EML4: variants seen among roughly 807,000 people sequenced by gnomAD.
EML4 encodes echinoderm microtubule-associated protein-like 4.
Under a neutral mutation model 129.0 loss-of-function variants are expected in EML4, and 72 were observed. The ratio of observed to expected loss-of-function variants is 0.56; its 90% confidence interval spans 0.46 to 0.68. EML4 has a LOEUF of 0.68. Among genes scored for constraint, EML4 ranks in the 30% least tolerant of loss-of-function variants. EML4 has a pLI of 0.00. For missense variants in EML4, 1,363 were observed against 1,190.6 expected (o/e 1.14, Z -2.13); for synonymous variants, 532 against 405.0 (o/e 1.31, Z -3.77).
chr2:42,282,749 T>A, intron 7 of EML4, 74 bp from the exon 8 acceptor site: 3 of 1,305,164 alleles, frequency 2.3e-6, no homozygotes, highest in Non-Finnish European at 3.3e-6. Context: ...CCTAATTCCT[T>A]AAGTATCCAT....
At chr2:42,177,427 C>T (rs946604213) in intron 1 of EML4, among the ~76,000 whole-genome samples, 7 of 151,998 alleles carry the variant, frequency 4.6e-5, no homozygotes, top group African/African-American at 1.7e-4. Flanking sequence ...TTGAGACCAG[C>T]CTGGGCAACA....
chr2:42,274,006 T>G (rs1666518496), intron 6 of EML4, among the ~76,000 whole-genome samples: 1 of 152,194 alleles, frequency 6.6e-6, no homozygotes, highest in African/African-American at 2.4e-5. Context: ...AGAAAAGATT[T>G]TAGCCTTCCA....
intron 1 of EML4, among the ~76,000 whole-genome samples, chr2:42,234,512 G>A (rs972318844): frequency 2.7e-5 from 4 of 149,286 alleles, no homozygotes; most frequent in Non-Finnish European, 6.0e-5. Context: ...ACAAACTTGT[G>A]ACAAAAGAAG....
At chr2:42,293,823 CTGATCTTGAA>C (rs1667794198) in intron 11 of EML4, among the ~76,000 whole-genome samples, 1 of 152,152 alleles carries the variant, frequency 6.6e-6, no homozygotes, top group African/African-American at 2.4e-5. Context: ...CTTGGCCAGG[CTGATCTTGAA>C]CTCCTGACGT....
chr2:42,286,418 A>G (rs548239481), intron 10 of EML4, 39 bp downstream of exon 10: 11 of 1,228,660 alleles, frequency 9.0e-6, no homozygotes, highest in African/African-American at 3.0e-5. Context: ...AAGCTGAACA[A>G]AAAAGCAGGA....
intron 1 of EML4, among the ~76,000 whole-genome samples, chr2:42,181,574 G>GT (rs1190361633): frequency 2.0e-5 from 3 of 152,144 alleles, no homozygotes; most frequent in Non-Finnish European, 4.4e-5. Flanking sequence ...GGGATTACAG[G>GT]TGTGAGCCAC....
chr2:42,185,270 G>C (rs1253831313), intron 1 of EML4, among the ~76,000 whole-genome samples: 1 of 152,072 alleles, frequency 6.6e-6, no homozygotes, highest in East Asian at 1.9e-4. Context: ...TAAAAATATT[G>C]TGACACGTGA....
At chr2:42,294,689 T>G (rs1667846991) in intron 11 of EML4, among the ~76,000 whole-genome samples, 1 of 151,466 alleles carries the variant, frequency 6.6e-6, no homozygotes. Flanking sequence ...AGAGCAAGAC[T>G]GTGTCTTAAA....
In EML4 at chr2:42,245,638, A is replaced by C; in HGVS notation, c.159A>C (p.Ala53=). 1.9e-6 allele frequency: 3 copies of C among 1,613,654 alleles called. No individual in the cohort carries two copies. Among genetic ancestry groups the C allele is most frequent in the East Asian group, 2.2e-5 (1 of 44,826 alleles). ...TGGCTGATGTTTTGAGGCGTCTTGC[A>C]ATCTCTGAAGATCATGTGGCCTCAG... ...AALADVLRRL[A]ISEDHVASVK... is the part of the protein sequence containing the mutation. The change falls in exon 2 of 23, where the codon GCA becomes GCC. Residue 53 remains alanine (A), a synonymous_variant. Coordinates refer to ENST00000318522, the MANE Select transcript of EML4 (RefSeq NM_019063.5).
intron 1 of EML4, among the ~76,000 whole-genome samples, chr2:42,221,402 A>ACTTTT (rs1673584841): frequency 1.3e-5 from 1 of 75,612 alleles, no homozygotes; most frequent in Non-Finnish European, 2.8e-5. Context: ...AACATGGTTT[A>ACTTTT]CTTTTTTTTT....
intron 1 of EML4, among the ~76,000 whole-genome samples, chr2:42,218,384 T>C (rs1169783103): frequency 6.6e-6 from 1 of 152,014 alleles, no homozygotes; most frequent in Non-Finnish European, 1.5e-5. Flanking sequence ...TATATTACAA[T>C]GTAATAATAA....
At chr2:42,250,367 G>C (rs899991482) in intron 2 of EML4, among the ~76,000 whole-genome samples, 3 of 152,154 alleles carry the variant, frequency 2.0e-5, no homozygotes, top group Admixed American at 2.0e-4. Context: ...ACATTTGGGA[G>C]GATTCAGGGA....
At chr2:42,276,801 T>A (rs1342669744) in intron 6 of EML4, among the ~76,000 whole-genome samples, 1 of 152,266 alleles carries the variant, frequency 6.6e-6, no homozygotes, top group South Asian at 2.1e-4. Context: ...AAGCTCATGC[T>A]GTTTTCACTA....
chr2:42,291,005 A>G (rs1364414220), intron 11 of EML4, among the ~76,000 whole-genome samples: 2 of 152,226 alleles, frequency 1.3e-5, no homozygotes, highest in South Asian at 2.1e-4. Flanking sequence ...CAAAGCACAT[A>G]AAATATAAAA....
chr2:42,293,320 T>C (rs994952318), intron 11 of EML4, among the ~76,000 whole-genome samples: 3 of 152,120 alleles, frequency 2.0e-5, no homozygotes, highest in Admixed American at 6.5e-5. Context: ...ACAGTTGATC[T>C]CTAACTCCTG....
intron 2 of EML4, among the ~76,000 whole-genome samples, chr2:42,254,355 G>C (rs1475473100): frequency 6.6e-6 from 1 of 151,890 alleles, no homozygotes; most frequent in East Asian, 1.9e-4. Context: ...TGCTCAGGAG[G>C]CTGAGGTAGA....
At chr2:42,179,842 TC>T (rs1294415903) in intron 1 of EML4, among the ~76,000 whole-genome samples, 1 of 152,152 alleles carries the variant, frequency 6.6e-6, no homozygotes, top group Non-Finnish European at 1.5e-5. Flanking sequence ...CCCCAAGTGA[TC>T]CACCCACCTA....
At chr2:42,223,621 G>A (rs1425438156) in intron 1 of EML4, among the ~76,000 whole-genome samples, 1 of 152,032 alleles carries the variant, frequency 6.6e-6, no homozygotes, top group Non-Finnish European at 1.5e-5. Flanking sequence ...CCCATGACAA[G>A]AGTACAATGT....
intron 11 of EML4, among the ~76,000 whole-genome samples, chr2:42,290,417 A>G (rs540352389): frequency 1.3e-5 from 2 of 152,272 alleles, no homozygotes; most frequent in South Asian, 4.1e-4. Flanking sequence ...GAAAAAAAAT[A>G]AAAAATTAAC....
Sources: allele counts gnomAD v4.1 joint callset (sites outside exome capture counted in the v4.1 genomes callset), GRCh38; gene constraint gnomAD v4.1.1; transcripts MANE v1.5; gene names NCBI Gene and HGNC (gene_info 2026-07-23, HGNC 2026-07-21).